Variants in ITM2B observed in about 807,000 individuals in gnomAD.
The protein encoded by ITM2B is ABri/ADan amyloid peptide.
ITM2B carries 11 observed loss-of-function variants against 27.8 expected under a neutral mutation model. The ratio of observed to expected loss-of-function variants is 0.40; its 90% CI spans 0.25 to 0.66. The LOEUF (loss-of-function observed/expected upper bound fraction) is 0.66. ITM2B is among the 30% of genes least tolerant of loss of function. The probability of loss-of-function intolerance (pLI) is 0.43; values close to 1 mark genes in which losing one functional copy is unlikely to be tolerated. For synonymous variants in ITM2B, 114 were observed against 114.3 expected (o/e 1.00, Z 0.02); for missense variants, 296 against 328.9 (o/e 0.90, Z 0.77).
chr13:48,235,345 T>G (rs922050057), intron 1 of ITM2B, among the ~76,000 whole-genome samples: 3 of 152,222 alleles, frequency 2.0e-5, no homozygotes, highest in Non-Finnish European at 4.4e-5. Context: ...CCATTTTTTA[T>G]TTTCTCAGAT....
intron 1 of ITM2B, among the ~76,000 whole-genome samples, chr13:48,235,669 C>T (rs887818331): frequency 6.6e-6 from 1 of 152,144 alleles, no homozygotes; most frequent in African/African-American, 2.4e-5. Context: ...TTGCGGGTGG[C>T]TCTGTGGCAG....
intron 1 of ITM2B, among the ~76,000 whole-genome samples, chr13:48,244,583 T>C (rs1330041468): frequency 6.6e-6 from 1 of 152,244 alleles, no homozygotes; most frequent in Non-Finnish European, 1.5e-5. Context: ...CAGATGAATA[T>C]ACTTGGAATT....
chr13:48,242,513 G>T (rs1244472865), intron 1 of ITM2B, among the ~76,000 whole-genome samples: 1 of 151,330 alleles, frequency 6.6e-6, no homozygotes, highest in African/African-American at 2.4e-5. Flanking sequence ...TGGAAGAATT[G>T]CCTTTGTCTT....
Position 48,263,640 on chromosome 13 carries a change from A to G in ITM2B, c.*2416A>G, listed in dbSNP as rs1427740609. 1 of 152,208 alleles carries G rather than the reference A, an allele frequency of 6.6e-6. No individual in the cohort carries two copies. The highest frequency in any genetic ancestry group is 1.9e-4 in the East Asian group (1 of 5,190). 9.4% of individuals were successfully genotyped at this position (152,208 alleles called of 1,614,324 possible). A position where few individuals can be genotyped will look rare whatever the true frequency, so the allele number is the denominator to read the frequency against. On this transcript the variant is annotated 3_prime_UTR_variant, in exon 6 of 6. Coordinates refer to ENST00000647800, the MANE Select transcript of ITM2B (RefSeq NM_021999.5). The stretch of plus-strand genomic sequence containing the variant: ...TAGACTGAGTGGCTTTAAACAACAG[A>G]AGCTTGTTTCTCACAGTTCCAGAAG...
chr13:48,260,226 A>G (rs961445705), intron 5 of ITM2B, among the ~76,000 whole-genome samples: 1 of 151,992 alleles, frequency 6.6e-6, no homozygotes, highest in Admixed American at 6.6e-5. Flanking sequence ...TATGTGCCAC[A>G]TTTTCTTAAT....
intron 1 of ITM2B, among the ~76,000 whole-genome samples, chr13:48,253,071 G>T (rs1257753709): frequency 2.0e-5 from 3 of 152,050 alleles, no homozygotes; most frequent in African/African-American, 7.2e-5. Context: ...TGCTAGTTTT[G>T]TTTCTTGAAT....
At chr13:48,256,070 G>A in intron 2 of ITM2B, 107 bp from the exon 3 acceptor site, 1 of 802,482 alleles carries the variant, frequency 1.2e-6, no homozygotes, top group Non-Finnish European at 2.1e-6. Context: ...AAAAGCAAGA[G>A]TTTGCAAGCA....
intron 5 of ITM2B, among the ~76,000 whole-genome samples, chr13:48,259,936 G>T (rs1036163940): frequency 1.3e-5 from 2 of 151,958 alleles, no homozygotes; most frequent in African/African-American, 2.4e-5. Flanking sequence ...TGCCATGGTG[G>T]TTTGCTGCAC....
At chr13:48,244,944 C>G (rs1951716698) in intron 1 of ITM2B, among the ~76,000 whole-genome samples, 1 of 152,088 alleles carries the variant, frequency 6.6e-6, no homozygotes, top group South Asian at 2.1e-4. Flanking sequence ...GAACATTTAC[C>G]TGTTTGTGCT....
intron 5 of ITM2B, among the ~76,000 whole-genome samples, chr13:48,259,530 A>G (rs936367625): frequency 6.6e-6 from 1 of 152,224 alleles, no homozygotes; most frequent in African/African-American, 2.4e-5. Context: ...AAGAAAGTAC[A>G]TGTGGCAGCT....
At position 48,267,019 on chromosome 13, in the gene ITM2B, T is replaced by C. The variant is rs1273223692; in HGVS notation, c.*5795T>C. Reference sequence around the variant, plus strand: ...TTAAAATGTAGGGGGGATTTTTGATTGTCACAGGACTAGAGGATGCCATTT... The same window carrying C: ...TTAAAATGTAGGGGGGATTTTTGATCGTCACAGGACTAGAGGATGCCATTT... On this transcript the variant is annotated 3_prime_UTR_variant, in exon 6 of 6. Coordinates refer to ENST00000647800, the MANE Select transcript of ITM2B (RefSeq NM_021999.5). 6.6e-6 allele frequency: 1 copy of C among 152,162 alleles called. No individual in the cohort carries two copies. Among genetic ancestry groups the C allele is most frequent in the Admixed American group, 6.5e-5 (1 of 15,270 alleles). 9.4% of individuals were successfully genotyped at this position (152,162 alleles called of 1,614,324 possible). A position where few individuals can be genotyped will look rare whatever the true frequency, so the allele number is the denominator to read the frequency against.
chr13:48,258,464 T>C (rs1295039583), intron 4 of ITM2B, among the ~76,000 whole-genome samples: 1 of 152,196 alleles, frequency 6.6e-6, no homozygotes, highest in Non-Finnish European at 1.5e-5. Flanking sequence ...GAGTAAATAT[T>C]AGCCAACTAC....
At chr13:48,258,000 G>C in intron 3 of ITM2B, 126 bp from the exon 4 acceptor site, 1 of 630,392 alleles carries the variant, frequency 1.6e-6, no homozygotes, top group Admixed American at 2.3e-5. Context: ...TGAATTTGTT[G>C]AAATGCAAGT....
At chr13:48,253,965 G>T (rs774366909) in intron 2 of ITM2B, 29 bp downstream of exon 2, 9 of 1,543,052 alleles carry the variant, frequency 5.8e-6, no homozygotes, top group Non-Finnish European at 4.4e-6. Context: ...TTGTGTCTCT[G>T]ATTTTTTTTT....
At chr13:48,252,453 T>C (rs1566161960) in intron 1 of ITM2B, among the ~76,000 whole-genome samples, 1 of 152,118 alleles carries the variant, frequency 6.6e-6, no homozygotes, top group Admixed American at 6.5e-5. Flanking sequence ...GCAAACCCTA[T>C]TGTGAACTGT....
At position 48,262,583 on chromosome 13, in the gene ITM2B, C is replaced by T. The variant is rs1478451373; in HGVS notation, c.*1359C>T. 6.6e-6 allele frequency: 1 copy of T among 152,102 alleles called. No individual in the cohort carries two copies. The highest frequency in any genetic ancestry group is 2.4e-5 in the African/African-American group (1 of 41,436). The allele number at this position is 152,102 out of a possible 1,614,324, so 9.4% of individuals were successfully genotyped here. On this transcript the variant is annotated 3_prime_UTR_variant, in exon 6 of 6. Coordinates refer to ENST00000647800, the MANE Select transcript of ITM2B (RefSeq NM_021999.5). ...TCCTACTTTCCAGGCTCTAAAATTA[C>T]ATGAATTTTCAGGGAGCTGTGAACA...
rs1272604264 is a variant in ITM2B, at chr13:48,261,275, A to C, written c.*51A>C. 1 of 1,219,772 alleles carries C rather than the reference A, an allele frequency of 8.2e-7. No individual in the cohort carries two copies. Among genetic ancestry groups the C allele is most frequent in the Admixed American group, 1.7e-5 (1 of 59,058 alleles). 75.6% of individuals were successfully genotyped at this position (1,219,772 alleles called of 1,614,324 possible). ...AAAATTAATATCACAGCATAACCCC[A>C]CCCTTTACATTTTGTGCAGTGATTA... On this transcript the variant is annotated 3_prime_UTR_variant, in exon 6 of 6. Coordinates refer to ENST00000647800, the MANE Select transcript of ITM2B (RefSeq NM_021999.5).
At chr13:48,258,736 C>CT in intron 4 of ITM2B, 61 bp from the exon 5 acceptor site, 1 of 1,498,716 alleles carries the variant, frequency 6.7e-7, no homozygotes, top group Non-Finnish European at 9.3e-7. Flanking sequence ...TGTCTTGTTT[C>CT]TCTAGTCTAC....
At position 48,268,981 on chromosome 13, in the gene ITM2B, A is replaced by G. The variant is rs1333793716; in HGVS notation, c.*7757A>G. 6.6e-6 allele frequency: 1 copy of G among 152,184 alleles called. No individual in the cohort carries two copies. Among genetic ancestry groups the G allele is most frequent in the Non-Finnish European group, 1.5e-5 (1 of 68,030 alleles). The allele number at this position is 152,184 out of a possible 1,614,324, so 9.4% of individuals were successfully genotyped here. A position where few individuals can be genotyped will look rare whatever the true frequency, so the allele number is the denominator to read the frequency against. On this transcript the variant is annotated 3_prime_UTR_variant, in exon 6 of 6. Transcript: ENST00000647800. ...TGTATCCCTTCAAGTAAACTAGTATAACTTGGGTACCTTCTCATATAAATT... is the reference window on the plus strand; with the variant it reads ...TGTATCCCTTCAAGTAAACTAGTATGACTTGGGTACCTTCTCATATAAATT...
Sources: allele counts gnomAD v4.1 joint callset (sites outside exome capture counted in the v4.1 genomes callset), GRCh38; gene constraint gnomAD v4.1.1; transcripts MANE v1.5; gene names NCBI Gene and HGNC (gene_info 2026-07-23, HGNC 2026-07-21).